The following MAF variants were observed in gnomAD, a reference collection of about 807,000 sequenced individuals.
MAF encodes MAF bZIP transcription factor.
A neutral mutation model predicts 22.0 loss-of-function variants in MAF; 10 were observed. The observed-to-expected ratio is 0.45, with a 90% confidence interval of 0.28 to 0.77. MAF has a LOEUF of 0.77. Ranked by LOEUF, MAF falls within the 30% of genes least tolerant of loss-of-function variation. MAF has a pLI of 0.12. For missense variants in MAF, 544 were observed against 548.4 expected (o/e 0.99, Z 0.08); for synonymous variants, 337 against 255.8 (o/e 1.32, Z -3.03).
the MAF span, among the ~76,000 whole-genome samples, chr16:79,416,596 C>A: frequency 6.6e-6 from 1 of 151,490 alleles, no homozygotes; most frequent in East Asian, 1.9e-4. Flanking sequence ...AGTGGCCGTA[C>A]CCCCACTCCA....
At chr16:79,508,230 A>C in the MAF span, among the ~76,000 whole-genome samples, 3 of 152,178 alleles carry the variant, frequency 2.0e-5, no homozygotes, top group African/African-American at 7.2e-5. Flanking sequence ...TGCCTCACCC[A>C]GGGAGGCCGC....
the MAF span, among the ~76,000 whole-genome samples, chr16:79,513,730 T>C: frequency 0.019 from 2,969 of 152,268 alleles, 85 homozygotes; most frequent in African/African-American, 0.064. Context: ...GGGAAATAAA[T>C]GAAACATATG....
At chr16:79,207,467 A>T in the MAF span, among the ~76,000 whole-genome samples, 15 of 152,324 alleles carry the variant, frequency 9.8e-5, no homozygotes, top group East Asian at 2.7e-3. Context: ...TCTAACTTCC[A>T]GGGTTCATTC....
At chr16:79,445,339 G>A in the MAF span, among the ~76,000 whole-genome samples, 28 of 152,220 alleles carry the variant, frequency 1.8e-4, no homozygotes, top group South Asian at 1.9e-3. Flanking sequence ...CACTGCGCCC[G>A]GCCAACATAC....
At chr16:79,285,147 G>C in the MAF span, among the ~76,000 whole-genome samples, 3,954 of 152,164 alleles carry the variant, frequency 0.026, 192 homozygotes, top group African/African-American at 0.091. Context: ...TTCCTTGAGG[G>C]ATGCCTGGCT....
At chr16:79,223,915 A>G in the MAF span, among the ~76,000 whole-genome samples, 3 of 152,174 alleles carry the variant, frequency 2.0e-5, no homozygotes, top group Admixed American at 6.5e-5. Flanking sequence ...ATTCAAAGCC[A>G]AATTCTACCA....
At chr16:79,291,706 G>A in the MAF span, among the ~76,000 whole-genome samples, 1 of 150,312 alleles carries the variant, frequency 6.7e-6, no homozygotes, top group Admixed American at 6.7e-5. Flanking sequence ...GGCCAAATAT[G>A]GCGCTAAAAA....
chr16:79,588,360 G>A (rs1381340322), intron 1 of MAF, among the ~76,000 whole-genome samples: 2 of 152,226 alleles, frequency 1.3e-5, no homozygotes, highest in East Asian at 3.9e-4. Flanking sequence ...AAAGGACAGA[G>A]TTGACTGATG....
the MAF span, among the ~76,000 whole-genome samples, chr16:79,371,346 C>T: frequency 2.6e-5 from 4 of 152,176 alleles, no homozygotes; most frequent in Non-Finnish European, 5.9e-5. Context: ...TTGTACTAGT[C>T]AAAGGAGTCA....
chr16:79,287,387 G>C, the MAF span, among the ~76,000 whole-genome samples: 16 of 152,202 alleles, frequency 1.1e-4, no homozygotes, highest in African/African-American at 3.1e-4. Context: ...TTCCCGGTGA[G>C]GCGGGGGCTG....
At chr16:79,319,733 T>C in the MAF span, among the ~76,000 whole-genome samples, 2 of 152,274 alleles carry the variant, frequency 1.3e-5, no homozygotes, top group African/African-American at 2.4e-5. Context: ...TAAGGACCAT[T>C]TGTGGGCATA....
At chr16:79,347,552 T>A in the MAF span, among the ~76,000 whole-genome samples, 6 of 152,138 alleles carry the variant, frequency 3.9e-5, no homozygotes, top group African/African-American at 1.4e-4. Context: ...CTCCCTATTA[T>A]CGAGAAAAGT....
the MAF span, among the ~76,000 whole-genome samples, chr16:79,238,017 T>G: frequency 1.3e-5 from 2 of 152,096 alleles, no homozygotes. Context: ...GTGTCACCTT[T>G]TGACCTTCTG....
At chr16:79,509,182 C>A in the MAF span, among the ~76,000 whole-genome samples, 6 of 152,112 alleles carry the variant, frequency 3.9e-5, no homozygotes, top group Admixed American at 3.9e-4. Context: ...AAACCATCTC[C>A]GAGGCGTGGT....
At chr16:79,303,307 T>C in the MAF span, among the ~76,000 whole-genome samples, 118 of 152,292 alleles carry the variant, frequency 7.7e-4, 1 homozygote, top group African/African-American at 2.5e-3. Context: ...AATAAGTAAG[T>C]GTTGTGCCTC....
chr16:79,428,695 A>C, the MAF span, among the ~76,000 whole-genome samples: 2 of 151,910 alleles, frequency 1.3e-5, no homozygotes, highest in Non-Finnish European at 2.9e-5. Flanking sequence ...CACACACACA[A>C]AAATTATCCA....
chr16:79,448,784 C>G, the MAF span, among the ~76,000 whole-genome samples: 2 of 151,784 alleles, frequency 1.3e-5, no homozygotes, highest in Non-Finnish European at 2.9e-5. Flanking sequence ...AATGCTACTA[C>G]AGACTTTATA....
chr16:79,365,799 A>T, the MAF span, among the ~76,000 whole-genome samples: 2 of 152,218 alleles, frequency 1.3e-5, no homozygotes, highest in Non-Finnish European at 2.9e-5. Flanking sequence ...ATTGTTGACG[A>T]GGTGCCATGT....
At chr16:79,228,665 A>G in the MAF span, among the ~76,000 whole-genome samples, 4 of 152,054 alleles carry the variant, frequency 2.6e-5, no homozygotes, top group Non-Finnish European at 5.9e-5. Context: ...CATGAAAGAT[A>G]GAGGAAAAGA....
Sources: allele counts gnomAD v4.1 joint callset (sites outside exome capture counted in the v4.1 genomes callset), GRCh38; gene constraint gnomAD v4.1.1; transcripts MANE v1.5; gene names NCBI Gene and HGNC (gene_info 2026-07-23, HGNC 2026-07-21).